CD68: variants seen among roughly 807,000 people sequenced by gnomAD.
CD68 encodes macrosialin.
A neutral mutation model predicts 31.3 loss-of-function variants in CD68; 24 were observed. The ratio of observed to expected loss-of-function variants is 0.77; its 90% CI spans 0.55 to 1.08. The LOEUF is 1.08. CD68 is among the 50% of genes least tolerant of loss of function. The probability of loss-of-function intolerance (pLI) is 0.00; values close to 1 mark genes in which losing one functional copy is unlikely to be tolerated. For missense variants in CD68, 461 were observed against 442.5 expected (o/e 1.04, Z -0.38); for synonymous variants, 190 against 179.6 (o/e 1.06, Z -0.46).
chr17:7,580,962 G>A lies in CD68; in HGVS notation c.827G>A (p.Ser276Asn), dbSNP rs764324530. 6 of 1,614,070 alleles carry A rather than the reference G, an allele frequency of 3.7e-6. No individual in the cohort carries two copies. The Admixed American group carries it at 6.7e-5, about 18-fold the overall frequency. Residue 276 changes from serine to asparagine, a missense_variant, in exon 5 of 6, where the codon AGT (serine) becomes AAT (asparagine). Transcript: ENST00000250092. This position sits in a 1 kb window ranked among gnomAD's most constrained non-coding sequence, Gnocchi z 4.3. ...DLQAPLGQSF[S>N]CSNSSIILSP... is the part of the protein sequence containing the mutation. ...CAAGCACCCCTGGGGCAGAGCTTCA[G>A]TTGCAGCAACTCGAGCATCATTCTT... is the stretch of plus-strand genomic sequence containing the variant.
chr17:7,581,131 C>T (rs1252663296), intron 5 of CD68, 65 bp downstream of exon 5: 2 of 1,419,800 alleles, frequency 1.4e-6, no homozygotes, highest in African/African-American at 2.8e-5. Context: ...CTTCCCCAGG[C>T]CCATAAGCCA....
intron 5 of CD68, 47 bp from the exon 6 acceptor site, chr17:7,581,331 A>AACCAGCACGTCACTGCAAATACCT: frequency 6.2e-7 from 1 of 1,612,228 alleles, no homozygotes; most frequent in Non-Finnish European, 8.5e-7. Flanking sequence ...CCTTTATCCC[A>AACCAGCACGTCACTGCAAATACCT]ACCAGCACGT....
Position 7,582,024 on chromosome 17 carries a change from C to CCA in CD68, c.*514_*515insAC, listed in dbSNP as rs2071496588. On this transcript the variant is annotated 3_prime_UTR_variant, in exon 6 of 6. Transcript: ENST00000250092. The stretch of plus-strand genomic sequence containing the variant: ...ATGTGACGAACTGCCCCCCCCCCCC[C>CCA]CCCAGCAGGAGAGCAGCAAAATTTA... The CCA allele has an allele frequency of 1.1e-5, 1 of 94,640 alleles. No individual in the cohort carries two copies. Among genetic ancestry groups the CCA allele is most frequent in the East Asian group, 3.3e-4 (1 of 2,988 alleles). 5.9% of individuals were successfully genotyped at this position (94,640 alleles called of 1,614,324 possible).
At chr17:7,581,260 C>T in intron 5 of CD68, 118 bp from the exon 6 acceptor site, 3 of 1,303,394 alleles carry the variant, frequency 2.3e-6, no homozygotes, top group East Asian at 2.3e-5. Flanking sequence ...ACTGCTGAGT[C>T]ACTGCGGTGA....
chr17:7,580,127 C>T lies in CD68; in HGVS notation c.367C>T (p.Pro123Ser). Residue 123 changes from proline to serine, a missense_variant, in exon 2 of 6, where the codon CCA becomes TCA. Physicochemically the swap from Pro to Ser is moderately conservative, Grantham distance 74. Transcript: ENST00000250092. This position sits in a 1 kb window ranked among gnomAD's most constrained non-coding sequence, Gnocchi z 4.3. ...TTSHGNATVHPTSNSTATSPG... is the reference protein window; with the variant it reads ...TTSHGNATVHSTSNSTATSPG... ...TAGTCATGGAAATGCCACGGTTCAT[C>T]CAACAAGCAACAGCACTGCCACCAG... The T allele has an allele frequency of 6.2e-7, 1 of 1,614,166 alleles. No homozygotes were observed. Among genetic ancestry groups the T allele is most frequent in the East Asian group, 2.2e-5 (1 of 44,876 alleles).
In CD68 at chr17:7,581,810, C is replaced by G; in HGVS notation, c.*299C>G. 1 of 337,700 alleles carries G rather than the reference C, an allele frequency of 3.0e-6. No individual in the cohort carries two copies. Among genetic ancestry groups the G allele is most frequent in the Non-Finnish European group, 5.8e-6 (1 of 173,160 alleles). 20.9% of individuals were successfully genotyped at this position (337,700 alleles called of 1,614,324 possible). A position where few individuals can be genotyped will look rare whatever the true frequency, so the allele number is the denominator to read the frequency against. ...GGCGTAATCCCAGCTGGCCTGTAAT[C>G]CCAGCTACTTGGGAGGCTGAGGCAG... is the stretch of plus-strand genomic sequence containing the variant. On this transcript the variant is annotated 3_prime_UTR_variant, in exon 6 of 6. Transcript: ENST00000250092.
chr17:7,579,816 G>A lies in CD68; in HGVS notation c.56G>A (p.Gly19Glu). The change falls in exon 2 of 6, where the codon GGG (glycine) becomes GAG (glutamate). Residue 19 changes from glycine to glutamate, a missense_variant. Gly to Glu is a moderately conservative substitution (Grantham distance 98). Transcript: ENST00000250092. ...ATCTCCTCTCTGCCAAAAGCCCAGG[G>A]GACAGGGAATGACTGTCCTCACAAA... ...GALLGLLAAQGTGNDCPHKKS... is the reference protein window; with the variant it reads ...GALLGLLAAQETGNDCPHKKS... The A allele has an allele frequency of 6.2e-7, 1 of 1,613,114 alleles. No individual in the cohort carries two copies. The highest frequency in any genetic ancestry group is 8.5e-7 in the Non-Finnish European group (1 of 1,179,384).
chr17:7,580,881 T>C lies in CD68; in HGVS notation c.761-15T>C, dbSNP rs538380167. 6.2e-6 allele frequency: 10 copies of C among 1,613,812 alleles called. No individual in the cohort carries two copies. The African/African-American group carries it at 8.0e-5, about 13-fold the overall frequency. ...AGGGAGGTGGATAGGATCTGACCCT[T>C]CCTCACTCCTCCAGAGTGGACATTC... On this transcript the variant is annotated splice_polypyrimidine_tract_variant and intron_variant, in intron 4 of 5. Transcript: ENST00000250092. This position sits in a 1 kb window ranked among gnomAD's most constrained non-coding sequence, Gnocchi z 4.3.
At position 7,580,609 on chromosome 17, in the gene CD68, C is replaced by T; in HGVS notation, c.687+24C>T. The stretch of plus-strand genomic sequence containing the variant: ...AGGTATAGCCATGACCTCAGTCTCA[C>T]CCCTCACTCAGCCTCCCGGCGCCCC... On this transcript the variant is annotated intron_variant, in intron 3 of 5. Transcript: ENST00000250092. This position sits in a 1 kb window ranked among gnomAD's most constrained non-coding sequence, Gnocchi z 4.3. 3 of 1,613,774 alleles carry T rather than the reference C, an allele frequency of 1.9e-6. No individual in the cohort carries two copies. The highest frequency in any genetic ancestry group is 2.5e-6 in the Non-Finnish European group (3 of 1,179,792).
Position 7,580,850 on chromosome 17 carries a change from G to C in CD68, c.761-46G>C, listed in dbSNP as rs1247658571. ...CCAGGGTTCCTGAAAGGACTAAGCT[G>C]GGGCCAGGGAGGTGGATAGGATCTG... is the stretch of plus-strand genomic sequence containing the variant. On this transcript the variant is annotated intron_variant, in intron 4 of 5. Coordinates refer to ENST00000250092, the MANE Select transcript of CD68 (RefSeq NM_001251.3). The surrounding 1 kb of genome is among the most constrained non-coding windows in gnomAD (Gnocchi z 4.3). 1 of 1,613,758 alleles carries C rather than the reference G, an allele frequency of 6.2e-7. No individual in the cohort carries two copies. Among genetic ancestry groups the C allele is most frequent in the Admixed American group, 1.7e-5 (1 of 60,008 alleles).
rs765469184 is a variant in CD68, at chr17:7,580,543, T to G, written c.645T>G (p.Leu215=). The change falls in exon 3 of 6, where the codon CTT becomes CTG. Residue 215 remains leucine (L), a synonymous_variant. Transcript: ENST00000250092. This position sits in a 1 kb window ranked among gnomAD's most constrained non-coding sequence, Gnocchi z 4.3. ...GTGAGGGTGCCCATCCCCACCTGCT[T>G]CTCTCATTCCCCTATGGACACCTCA... ...GSCEGAHPHL[L]LSFPYGHLSF... 1 of 1,613,872 alleles carries G rather than the reference T, an allele frequency of 6.2e-7. No individual in the cohort carries two copies. The highest frequency in any genetic ancestry group is 1.1e-5 in the South Asian group (1 of 91,078).
chr17:7,581,058 T>C lies in CD68; in HGVS notation c.923T>C (p.Phe308Ser), dbSNP rs1471741158. 1.9e-6 allele frequency: 3 copies of C among 1,613,582 alleles called. No individual in the cohort carries two copies. In the Admixed American group the frequency reaches 5.0e-5, roughly 27 times the overall value. Residue 308 changes from phenylalanine to serine, a missense_variant, in exon 5 of 6, where the codon TTT (phenylalanine) becomes TCT (serine). Coordinates refer to ENST00000250092, the MANE Select transcript of CD68 (RefSeq NM_001251.3). ...QAAQLPHTGV[F>S]GQSFSCPSDR... ...GCTCAGCTGCCCCACACAGGGGTCT[T>C]TGGGCAAAGTAAGACCTACCTACTC...
At position 7,580,598 on chromosome 17, in the gene CD68, C is replaced by T; in HGVS notation, c.687+13C>T. 1.9e-6 allele frequency: 3 copies of T among 1,613,924 alleles called. No homozygotes were observed. The highest frequency in any genetic ancestry group is 1.7e-5 in the Admixed American group (1 of 60,004). On this transcript the variant is annotated intron_variant, in intron 3 of 5. Coordinates refer to ENST00000250092, the MANE Select transcript of CD68 (RefSeq NM_001251.3). This position sits in a 1 kb window ranked among gnomAD's most constrained non-coding sequence, Gnocchi z 4.3. The stretch of plus-strand genomic sequence containing the variant: ...TGGATTCATGCAGGTATAGCCATGA[C>T]CTCAGTCTCACCCCTCACTCAGCCT...
In CD68 at chr17:7,580,073, T is replaced by C. The variant is rs201097568; in HGVS notation, c.313T>C (p.Ser105Pro). The change falls in exon 2 of 6, where the codon TCA becomes CCA. Residue 105 changes from serine to proline, a missense_variant. Physicochemically the swap from Ser to Pro is moderately conservative, Grantham distance 74. Coordinates refer to ENST00000250092, the MANE Select transcript of CD68 (RefSeq NM_001251.3). The surrounding 1 kb of genome is among the most constrained non-coding windows in gnomAD (Gnocchi z 4.3). Reference sequence around the variant, plus strand: ...TAGCACTGCCACCAGCCAGGGACCCTCAACTGCCACTCACAGTCCTGCCAC... The same window carrying C: ...TAGCACTGCCACCAGCCAGGGACCCCCAACTGCCACTCACAGTCCTGCCAC... ...SNSTATSQGPSTATHSPATTS... is the reference protein window; with the variant it reads ...SNSTATSQGPPTATHSPATTS... The C allele has an allele frequency of 1.9e-6, 3 of 1,613,334 alleles. No individual in the cohort carries two copies. The African/African-American group carries it at 4.0e-5, about 22-fold the overall frequency.
Position 7,580,853 on chromosome 17 carries a change from G to A in CD68, c.761-43G>A. On this transcript the variant is annotated intron_variant, in intron 4 of 5. Transcript: ENST00000250092. This position sits in a 1 kb window ranked among gnomAD's most constrained non-coding sequence, Gnocchi z 4.3. ...GGGTTCCTGAAAGGACTAAGCTGGG[G>A]CCAGGGAGGTGGATAGGATCTGACC... 4 of 1,613,794 alleles carry A rather than the reference G, an allele frequency of 2.5e-6. No homozygotes were observed. The highest frequency in any genetic ancestry group is 3.4e-6 in the Non-Finnish European group (4 of 1,179,796).
Position 7,580,195 on chromosome 17 carries a change from C to A in CD68, c.435C>A (p.Pro145=), listed in dbSNP as rs1283173111. The A allele has an allele frequency of 1.9e-6, 3 of 1,614,154 alleles. No individual in the cohort carries two copies. The South Asian group carries it at 3.3e-5, about 18-fold the overall frequency. ...CTGCCCACCCAGAACCACCTCCACC[C>A]TCTCCGAGTCCTAGCCCAACCTCCA... is the stretch of plus-strand genomic sequence containing the variant. ...TSSAHPEPPP[P]SPSPSPTSKE... The change falls in exon 2 of 6, where the codon CCC becomes CCA. Residue 145 remains proline (P), a synonymous_variant. Coordinates refer to ENST00000250092, the MANE Select transcript of CD68 (RefSeq NM_001251.3). The surrounding 1 kb of genome is among the most constrained non-coding windows in gnomAD (Gnocchi z 4.3).
Position 7,581,575 on chromosome 17 carries a change from C to T in CD68, c.*64C>T. 1 of 1,512,098 alleles carries T rather than the reference C, an allele frequency of 6.6e-7. No homozygotes were observed. Among genetic ancestry groups the T allele is most frequent in the Non-Finnish European group, 9.2e-7 (1 of 1,090,800 alleles). The allele number at this position is 1,512,098 out of a possible 1,614,324, so 93.7% of individuals were successfully genotyped here. A position where few individuals can be genotyped will look rare whatever the true frequency, so the allele number is the denominator to read the frequency against. ...GTGTGGTGGGGGGGTACCCTTATTT[C>T]CTCGACACGCAACTGGCTCAAAGAC... is the stretch of plus-strand genomic sequence containing the variant. On this transcript the variant is annotated 3_prime_UTR_variant, in exon 6 of 6. Transcript: ENST00000250092.
In CD68 at chr17:7,581,530, A is replaced by T. The variant is rs2071485053; in HGVS notation, c.*19A>T. ...CCTCTGAGCATTTGCTTCAAACCCC[A>T]GGGCACTGAGGGGGTTGGGGTGTGG... On this transcript the variant is annotated 3_prime_UTR_variant, in exon 6 of 6. Coordinates refer to ENST00000250092, the MANE Select transcript of CD68 (RefSeq NM_001251.3). 2 of 1,582,502 alleles carry T rather than the reference A, an allele frequency of 1.3e-6. No homozygotes were observed. The highest frequency in any genetic ancestry group is 1.7e-6 in the Non-Finnish European group (2 of 1,154,192).
Position 7,580,088 on chromosome 17 carries a change from A to G in CD68, c.328A>G (p.Ser110Gly), listed in dbSNP as rs148993489. The G allele has an allele frequency of 8.0e-4, 1,290 of 1,614,004 alleles. No individual in the cohort carries two copies. The highest frequency in any genetic ancestry group is 9.6e-4 in the Non-Finnish European group (1,138 of 1,179,978). ...TSQGPSTATH[S>G]PATTSHGNAT... is the part of the protein sequence containing the mutation. ...CCAGGGACCCTCAACTGCCACTCAC[A>G]GTCCTGCCACCACTAGTCATGGAAA... The change falls in exon 2 of 6, where the codon AGT becomes GGT. Residue 110 changes from serine to glycine, a missense_variant. Physicochemically the swap from Ser to Gly is moderately conservative, Grantham distance 56. Transcript: ENST00000250092. The surrounding 1 kb of genome is among the most constrained non-coding windows in gnomAD (Gnocchi z 4.3).
Sources: allele counts gnomAD v4.1 joint callset, GRCh38; gene constraint gnomAD v4.1.1; non-coding constraint Gnocchi (gnomAD v3.1); transcripts MANE v1.5; gene names NCBI Gene and HGNC (gene_info 2026-07-23, HGNC 2026-07-21).